ARHGEF17: variants seen among roughly 807,000 people sequenced by gnomAD.
ARHGEF17 encodes 164 kDa Rho-specific guanine-nucleotide exchange factor.
Under a neutral mutation model 174.0 loss-of-function variants are expected in ARHGEF17, and 80 were observed. The observed-to-expected ratio is 0.46, with a 90% CI of 0.38 to 0.55. ARHGEF17 has a LOEUF of 0.55. ARHGEF17 is among the 20% of genes least tolerant of loss of function. ARHGEF17 has a pLI of 0.00. For synonymous variants in ARHGEF17, 1,311 were observed against 1,189.1 expected (o/e 1.10, Z -2.11); for missense variants, 2,886 against 2,839.7 (o/e 1.02, Z -0.37).
Position 73,368,934 on chromosome 11 carries a change from G to C in ARHGEF17, c.*1154G>C, listed in dbSNP as rs7941389. The C allele has an allele frequency of 0.082, 12,437 of 152,390 alleles. 507 individuals are homozygous for C. Among genetic ancestry groups the C allele is most frequent in the Non-Finnish European group, 0.098 (6,666 of 68,038 alleles). 9.4% of individuals were successfully genotyped at this position (152,390 alleles called of 1,614,324 possible). On this transcript the variant is annotated 3_prime_UTR_variant, in exon 21 of 21. Transcript: ENST00000263674. The stretch of plus-strand genomic sequence containing the variant: ...AAACTCCAAAGGTTTGGTTTCAGAT[G>C]GGGTTTGTTTTGTTCTGTTTGGTTT...
chr11:73,311,461 G>A lies in ARHGEF17; in HGVS notation c.2823G>A (p.Gln941=). The A allele has an allele frequency of 6.2e-7, 1 of 1,613,392 alleles. No homozygotes were observed. The highest frequency in any genetic ancestry group is 2.2e-5 in the East Asian group (1 of 44,886). ...HQELRRDEGS[Q]DQTGSLSRAR... is the part of the protein sequence containing the mutation. ...AGCTTCGGAGAGACGAGGGCAGTCA[G>A]GACCAGACTGGCAGCCTGTCTCGGG... The change falls in exon 1 of 21, where the codon CAG becomes CAA. Residue 941 remains glutamine (Q), a synonymous_variant. Transcript: ENST00000263674.
intron 9 of ARHGEF17, among the ~76,000 whole-genome samples, chr11:73,358,054 C>T (rs941514649): frequency 3.3e-5 from 5 of 151,884 alleles, no homozygotes; most frequent in African/African-American, 1.2e-4. Context: ...AATAGAATGA[C>T]CACCTTTAAG....
rs1565183881 is a variant in ARHGEF17, at chr11:73,310,190, G to T, written c.1552G>T (p.Glu518Ter). The change falls in exon 1 of 21, where the codon GAA (glutamate) becomes TAA (stop). Residue 518 changes from glutamate to a stop codon, truncating the protein, a stop_gained. Transcript: ENST00000263674. LOFTEE classifies it high-confidence loss of function. ...CGCAGGTGGCCCTGTGGGGCAACTT[G>T]AACCCATACCCATCCCAGCCCCAGC... is the stretch of plus-strand genomic sequence containing the variant. The part of the protein sequence containing the change: ...PSAGGPVGQL[E>*]PIPIPAPASP... 1 of 1,613,976 alleles carries T rather than the reference G, an allele frequency of 6.2e-7. No homozygotes were observed. Among genetic ancestry groups the T allele is most frequent in the Non-Finnish European group, 8.5e-7 (1 of 1,180,024 alleles).
In ARHGEF17 at chr11:73,359,711, C is replaced by T. The variant is rs545210884; in HGVS notation, c.4088-123C>T. Reference sequence around the variant, plus strand: ...TTCCCAAGAGCTTGGGGTTTCTATGCTTTCGGTTTGTCAGGTCTCTCCCCG... The same window carrying T: ...TTCCCAAGAGCTTGGGGTTTCTATGTTTTCGGTTTGTCAGGTCTCTCCCCG... On this transcript the variant is annotated intron_variant, in intron 9 of 20. Coordinates refer to ENST00000263674, the MANE Select transcript of ARHGEF17 (RefSeq NM_014786.4). The T allele has an allele frequency of 4.9e-5, 38 of 780,522 alleles. No individual in the cohort carries two copies. The East Asian group carries it at 9.8e-4, about 20-fold the overall frequency. The allele number at this position is 780,522 out of a possible 1,614,324, so 48.3% of individuals were successfully genotyped here.
At chr11:73,313,983 C>T (rs1478959595) in intron 1 of ARHGEF17, among the ~76,000 whole-genome samples, 3 of 152,208 alleles carry the variant, frequency 2.0e-5, no homozygotes, top group African/African-American at 7.2e-5. Context: ...GGGCTGGGTC[C>T]TCGGGGGCCT....
At chr11:73,341,560 C>A (rs910172242) in intron 1 of ARHGEF17, among the ~76,000 whole-genome samples, 14 of 152,204 alleles carry the variant, frequency 9.2e-5, no homozygotes, top group Non-Finnish European at 1.8e-4. Flanking sequence ...GATCTGCCCG[C>A]CTCAGCCTCC....
At chr11:73,363,953 G>T in intron 16 of ARHGEF17, 120 bp downstream of exon 16, 1 of 1,215,642 alleles carries the variant, frequency 8.2e-7, no homozygotes, top group Non-Finnish European at 1.2e-6. Context: ...CTGGAAGCCA[G>T]AGGCCTGGCC....
At chr11:73,360,620 A>C in intron 11 of ARHGEF17, 87 bp downstream of exon 11, 1 of 1,448,766 alleles carries the variant, frequency 6.9e-7, no homozygotes. Context: ...TGACTTCAGG[A>C]GCCAGAACCG....
At position 73,311,386 on chromosome 11, in the gene ARHGEF17, G is replaced by A; in HGVS notation, c.2748G>A (p.Arg916=). 1.9e-6 allele frequency: 3 copies of A among 1,613,294 alleles called. No individual in the cohort carries two copies. Among genetic ancestry groups the A allele is most frequent in the Non-Finnish European group, 2.5e-6 (3 of 1,180,034 alleles). ...AGCTGGCTGACATTCTGTCCCCGAG[G>A]CTAATCCGCCGAGGCTCCAAGAAGC... The part of the protein sequence containing the change: ...DPKLADILSP[R]LIRRGSKKRP... Residue 916 remains arginine, a synonymous_variant, in exon 1 of 21, where the codon AGG becomes AGA. Transcript: ENST00000263674.
At position 73,364,166 on chromosome 11, in the gene ARHGEF17, A is replaced by C. The variant is rs114159525; in HGVS notation, c.5334-6A>C. On this transcript the variant is annotated splice_region_variant and splice_polypyrimidine_tract_variant and intron_variant, in intron 16 of 20. Transcript: ENST00000263674. Reference sequence around the variant, plus strand: ...TCCCTTACTGCTTCCTCTTTTCCCTACCCAGGTATCTGAATAACCAGGTGT... The same window carrying C: ...TCCCTTACTGCTTCCTCTTTTCCCTCCCCAGGTATCTGAATAACCAGGTGT... 4.5e-5 allele frequency: 73 copies of C among 1,613,768 alleles called. No homozygotes were observed. Among genetic ancestry groups the C allele is most frequent in the Admixed American group, 8.3e-5 (5 of 59,990 alleles).
rs560353008 is a variant in ARHGEF17, at chr11:73,367,958, G to T, written c.*178G>T. 242 of 660,824 alleles carry T rather than the reference G, an allele frequency of 3.7e-4. 1 individual carries two copies. In the African/African-American group the frequency reaches 4.1e-3, roughly 11 times the overall value. 40.9% of individuals were successfully genotyped at this position (660,824 alleles called of 1,614,324 possible). A position where few individuals can be genotyped will look rare whatever the true frequency, so the allele number is the denominator to read the frequency against. On this transcript the variant is annotated 3_prime_UTR_variant, in exon 21 of 21. Coordinates refer to ENST00000263674, the MANE Select transcript of ARHGEF17 (RefSeq NM_014786.4). ...GATGGAACACCCACTGGCCAGCCAG[G>T]CCATGGCTTCTCCCGACCCTCTGGC...
intron 1 of ARHGEF17, among the ~76,000 whole-genome samples, chr11:73,317,602 C>A (rs1459208353): frequency 2.6e-5 from 4 of 152,236 alleles, no homozygotes; most frequent in Non-Finnish European, 4.4e-5. Context: ...CCCAGGCAGC[C>A]TGGCGCCTTG....
intron 6 of ARHGEF17, 159 bp downstream of exon 6, chr11:73,356,510 GTCT>G (rs757483861): frequency 8.9e-7 from 1 of 1,118,532 alleles, no homozygotes; most frequent in Non-Finnish European, 1.3e-6. Context: ...GTGGCCACAC[GTCT>G]CCACCTGTCT....
At position 73,363,409 on chromosome 11, in the gene ARHGEF17, C is replaced by T. The variant is rs779610356; in HGVS notation, c.5200C>T (p.Pro1734Ser). ...GSLEDLLSVD[P>S]EAYQSSVWLG... ...CCTTGAGGACCTGCTGAGTGTCGACCCTGAGGCCTACCAGAGCTCCGTGTG... is the reference window on the plus strand; with the variant it reads ...CCTTGAGGACCTGCTGAGTGTCGACTCTGAGGCCTACCAGAGCTCCGTGTG... The change falls in exon 15 of 21, where the codon CCT (proline) becomes TCT (serine). Residue 1734 changes from proline (P) to serine (S), a missense_variant. Physicochemically the swap from Pro to Ser is moderately conservative, Grantham distance 74. Transcript: ENST00000263674. 6.2e-6 allele frequency: 10 copies of T among 1,613,258 alleles called. No homozygotes were observed. In the Admixed American group the frequency reaches 1.2e-4, roughly 19 times the overall value.
intron 2 of ARHGEF17, among the ~76,000 whole-genome samples, chr11:73,350,526 C>T (rs756268637): frequency 7.9e-5 from 12 of 152,322 alleles, no homozygotes; most frequent in Middle Eastern, 3.4e-3. Flanking sequence ...GATTGGACTC[C>T]ATAGTCCCAG....
chr11:73,343,998 C>G (rs1865419309), intron 1 of ARHGEF17, among the ~76,000 whole-genome samples: 1 of 152,228 alleles, frequency 6.6e-6, no homozygotes. Flanking sequence ...TCTGTCTTCA[C>G]ACTGTGCCCG....
At chr11:73,323,813 G>A (rs1002042627) in intron 1 of ARHGEF17, among the ~76,000 whole-genome samples, 5 of 152,246 alleles carry the variant, frequency 3.3e-5, no homozygotes, top group African/African-American at 1.2e-4. Flanking sequence ...GGCCCGGCCT[G>A]CCCCATCTCA....
intron 1 of ARHGEF17, among the ~76,000 whole-genome samples, chr11:73,317,834 A>G (rs374954741): frequency 6.6e-6 from 1 of 152,158 alleles, no homozygotes; most frequent in Non-Finnish European, 1.5e-5. Context: ...CATGAGATGC[A>G]GGGGTTTGGG....
intron 6 of ARHGEF17, 111 bp downstream of exon 6, chr11:73,356,462 G>A: frequency 7.4e-7 from 1 of 1,357,058 alleles, no homozygotes; most frequent in South Asian, 1.4e-5. Flanking sequence ...TCCATGTCCG[G>A]AACCACAGTG....
Sources: allele counts gnomAD v4.1 joint callset (sites outside exome capture counted in the v4.1 genomes callset), GRCh38; gene constraint gnomAD v4.1.1; transcripts MANE v1.5; gene names NCBI Gene and HGNC (gene_info 2026-07-23, HGNC 2026-07-21).